Variants in IKBKE observed in about 807,000 individuals in gnomAD.
The protein encoded by IKBKE is inhibitor of nuclear factor kappa-B kinase subunit epsilon.
A neutral mutation model predicts 92.1 loss-of-function variants in IKBKE; 45 were observed. The ratio of observed to expected loss-of-function variants is 0.49; its 90% CI spans 0.38 to 0.63. The LOEUF (loss-of-function observed/expected upper bound fraction) is 0.63. Among genes scored for constraint, IKBKE ranks in the 20% least tolerant of loss-of-function variants. The pLI, the probability that IKBKE is intolerant of heterozygous loss-of-function variation, is 0.00. For synonymous variants in IKBKE, 374 were observed against 380.3 expected, an observed-to-expected ratio of 0.98 and a Z score of 0.19; for missense variants, 700 against 932.8, an observed-to-expected ratio of 0.75 and a Z score of 3.25.
At chr1:206,483,452 C>A (rs1168649709) in intron 13 of IKBKE, among the ~76,000 whole-genome samples, 1 of 152,198 alleles carries the variant, frequency 6.6e-6, no homozygotes, top group East Asian at 1.9e-4. Flanking sequence ...CTACCATGTG[C>A]CGAACACGTT....
chr1:206,494,430 C>T (rs564308869), intron 21 of IKBKE, among the ~76,000 whole-genome samples: 18 of 152,150 alleles, frequency 1.2e-4, no homozygotes, highest in African/African-American at 3.6e-4. Context: ...GTGGGGCTCC[C>T]GTCCCTCCTG....
chr1:206,483,107 C>G (rs1236556200), intron 13 of IKBKE, among the ~76,000 whole-genome samples: 2 of 152,156 alleles, frequency 1.3e-5, no homozygotes, highest in East Asian at 3.8e-4. Context: ...TTTGGGAATC[C>G]TAGGGCTTCC....
intron 10 of IKBKE, 145 bp from the exon 11 acceptor site, chr1:206,479,725 C>T: frequency 1.2e-6 from 1 of 861,852 alleles, no homozygotes; most frequent in Non-Finnish European, 1.9e-6. Context: ...GTGGCTAAGG[C>T]TGGCAAGGTG....
intron 13 of IKBKE, among the ~76,000 whole-genome samples, chr1:206,481,726 T>G (rs1399818064): frequency 6.9e-6 from 1 of 144,768 alleles, no homozygotes; most frequent in African/African-American, 2.6e-5. Flanking sequence ...AGACCTGAGA[T>G]GGGTAGAGGC....
chr1:206,475,652 G>C (rs12133684), intron 5 of IKBKE, among the ~76,000 whole-genome samples: 1 of 150,718 alleles, frequency 6.6e-6, no homozygotes, highest in African/African-American at 2.5e-5. Context: ...CATGAGAATC[G>C]ATTGAACCTG....
chr1:206,485,898 G>A lies in IKBKE; in HGVS notation c.1616+592G>A, dbSNP rs1553388536. ...CCCCTCCCCCAGGCCCCAGCTGACTGTGGGGAGCCGCTGCCTACCTTGCCG... is the reference window on the plus strand; with the variant it reads ...CCCCTCCCCCAGGCCCCAGCTGACTATGGGGAGCCGCTGCCTACCTTGCCG... On this transcript the variant is annotated intron_variant, in intron 15 of 21. Transcript: ENST00000581977. This position sits in a 1 kb window ranked among gnomAD's most constrained non-coding sequence, Gnocchi z 5.0. Among the ~76,000 whole-genome samples, 1 of 152,214 alleles carries A rather than the reference G, an allele frequency of 6.6e-6. No homozygotes were observed. Among genetic ancestry groups the A allele is most frequent in the Non-Finnish European group, 1.5e-5 (1 of 68,048 alleles).
chr1:206,473,729 C>T (rs41295996), intron 3 of IKBKE, among the ~76,000 whole-genome samples: 2,398 of 151,928 alleles, frequency 0.016, 33 homozygotes, highest in South Asian at 0.03. Flanking sequence ...TTTGGGAGGC[C>T]GAGGTGGGCA....
chr1:206,494,592 CTTTTTTTTTT>C (rs58971788), intron 21 of IKBKE, among the ~76,000 whole-genome samples: 117 of 63,904 alleles, frequency 1.8e-3, no homozygotes, highest in African/African-American at 5.3e-3. Flanking sequence ...AAAGTTCTTT[CTTTTTTTTTT>C]TTTTTTTTTT....
At chr1:206,491,024 T>C in intron 17 of IKBKE, 166 bp downstream of exon 17, 1 of 667,418 alleles carries the variant, frequency 1.5e-6, no homozygotes, top group East Asian at 2.7e-5. Context: ...GGAGTATGCA[T>C]AGCTTAGTTG....
At chr1:206,493,422 G>A in intron 20 of IKBKE, 44 bp downstream of exon 20, 1 of 1,424,176 alleles carries the variant, frequency 7.0e-7, no homozygotes, top group Non-Finnish European at 9.9e-7. Context: ...TGTGGAAGGG[G>A]GTTGCAGGGA....
At position 206,487,867 on chromosome 1, in the gene IKBKE, G is replaced by C. The variant is rs1553389179; in HGVS notation, c.1617-47G>C. On this transcript the variant is annotated intron_variant, in intron 15 of 21. Coordinates refer to ENST00000581977, the MANE Select transcript of IKBKE (RefSeq NM_014002.4). This position sits in a 1 kb window ranked among gnomAD's most constrained non-coding sequence, Gnocchi z 5.3. ...CTTCCCCTCCCTCCCTCTTTCCTCT[G>C]TGCTATTAGATTCTTCCAACACCTG... 2 of 1,486,488 alleles carry C rather than the reference G, an allele frequency of 1.3e-6. No individual in the cohort carries two copies. The highest frequency in any genetic ancestry group is 1.9e-6 in the Non-Finnish European group (2 of 1,069,408). The allele number at this position is 1,486,488 out of a possible 1,614,324, so 92.1% of individuals were successfully genotyped here.
chr1:206,483,046 C>T (rs985727551), intron 13 of IKBKE, among the ~76,000 whole-genome samples: 1 of 152,262 alleles, frequency 6.6e-6, no homozygotes, highest in South Asian at 2.1e-4. Flanking sequence ...CCCTGGCCCT[C>T]CTGGGCAGCT....
intron 5 of IKBKE, among the ~76,000 whole-genome samples, chr1:206,475,433 G>A (rs1205729908): frequency 2.0e-5 from 3 of 152,164 alleles, no homozygotes; most frequent in Non-Finnish European, 4.4e-5. Context: ...AATAAGTATG[G>A]TTTCAAGTTT....
chr1:206,477,946 C>A, intron 8 of IKBKE, 87 bp downstream of exon 8: 2 of 1,007,376 alleles, frequency 2.0e-6, no homozygotes, highest in South Asian at 1.4e-5. Flanking sequence ...GAGGCCTGTT[C>A]CAGCAGGTTC....
chr1:206,489,564 C>T lies in IKBKE; in HGVS notation c.1694-1255C>T, dbSNP rs1360549406. ...CAAAAAATAAACAAAACTAGCTGGA[C>T]GTGGGCATGCGCCTGTAGTCCTAAC... On this transcript the variant is annotated intron_variant, in intron 16 of 21. Transcript: ENST00000581977. 3.3e-5 allele frequency among the ~76,000 whole-genome samples: 5 copies of T among 151,784 alleles called. No homozygotes were observed. In the East Asian group the frequency reaches 5.8e-4, roughly 18 times the overall value.
rs1223120420 is a variant in IKBKE at position 206,476,913 on chromosome 1, G to A, written c.701+75G>A. 3.3e-6 allele frequency: 5 copies of A among 1,532,994 alleles called. No homozygotes were observed. The Admixed American group carries it at 8.5e-5, about 26-fold the overall frequency. 95.0% of individuals were successfully genotyped at this position (1,532,994 alleles called of 1,614,324 possible). A position where few individuals can be genotyped will look rare whatever the true frequency, so the allele number is the denominator to read the frequency against. On this transcript the variant is annotated intron_variant, in intron 7 of 21. Transcript: ENST00000581977. The surrounding 1 kb of genome is among the most constrained non-coding windows in gnomAD (Gnocchi z 5.1). ...CCCTTCCCCCACCGGTCCTTGCTGT[G>A]TCTTCTGGTCCCCTCACACTCCATG...
At chr1:206,475,363 A>C (rs1364334007) in intron 5 of IKBKE, among the ~76,000 whole-genome samples, 1 of 152,220 alleles carries the variant, frequency 6.6e-6, no homozygotes, top group East Asian at 1.9e-4. Flanking sequence ...CATTCATAGA[A>C]ACAGAAAGTA....
rs1169547223 is a variant in IKBKE at position 206,478,906 on chromosome 1, C to A, written c.993-37C>A. The A allele has an allele frequency of 3.2e-6, 5 of 1,579,730 alleles. No individual in the cohort carries two copies. The highest frequency in any genetic ancestry group is 2.7e-5 in the African/African-American group (2 of 74,318). The stretch of plus-strand genomic sequence containing the variant: ...TAGCCCCCTGCCTTGCCTACTGACA[C>A]CCCCTGCCCTCTGCTCCCCACCACG... On this transcript the variant is annotated intron_variant, in intron 9 of 21. Coordinates refer to ENST00000581977, the MANE Select transcript of IKBKE (RefSeq NM_014002.4). This position sits in a 1 kb window ranked among gnomAD's most constrained non-coding sequence, Gnocchi z 4.8.
At position 206,472,911 on chromosome 1, in the gene IKBKE, A is replaced by G. The variant is rs148537876; in HGVS notation, c.-32-285A>G. ...TTGTCTCTGCAGAATGACCTGCCTC[A>G]GGAGGGGCTTCAAGGGAACGTGGGG... is the stretch of plus-strand genomic sequence containing the variant. On this transcript the variant is annotated intron_variant, in intron 2 of 21. Transcript: ENST00000581977. The G allele has an allele frequency of 3.2e-4, 124 of 390,894 alleles. 1 individual carries two copies. In the Middle Eastern group the frequency reaches 3.6e-3, roughly 11 times the overall value. 24.2% of individuals were successfully genotyped at this position (390,894 alleles called of 1,614,324 possible). A position where few individuals can be genotyped will look rare whatever the true frequency, so the allele number is the denominator to read the frequency against.
Sources: allele counts gnomAD v4.1 joint callset (sites outside exome capture counted in the v4.1 genomes callset), GRCh38; gene constraint gnomAD v4.1.1; non-coding constraint Gnocchi (gnomAD v3.1); transcripts MANE v1.5; gene names NCBI Gene and HGNC (gene_info 2026-07-23, HGNC 2026-07-21).